DAGLB: variants seen among roughly 807,000 people sequenced by gnomAD.
DAGLB encodes the protein diacylglycerol lipase-beta.
In DAGLB, 66 loss-of-function variants were observed where a neutral mutation model predicts 72.1. That is an observed-to-expected ratio of 0.92 (90% confidence interval 0.75 to 1.12). The LOEUF (loss-of-function observed/expected upper bound fraction) is 1.12. DAGLB is among the 50% of genes most tolerant of loss of function. The probability of loss-of-function intolerance (pLI) is 0.00; values close to 1 mark genes in which losing one functional copy is unlikely to be tolerated. For missense variants in DAGLB, 1,065 were observed against 884.9 expected (o/e 1.20, Z -2.58); for synonymous variants, 414 against 359.5 (o/e 1.15, Z -1.71).
intron 4 of DAGLB, 90 bp downstream of exon 4, chr7:6,434,672 A>C: frequency 6.4e-7 from 1 of 1,571,114 alleles, no homozygotes; most frequent in South Asian, 1.2e-5. Flanking sequence ...AGGTTCTCAA[A>C]CGCGGTTTTA....
At chr7:6,415,535 C>CA (rs1223019732) in intron 11 of DAGLB, among the ~76,000 whole-genome samples, 12 of 144,600 alleles carry the variant, frequency 8.3e-5, no homozygotes, top group South Asian at 7.1e-4. Context: ...CTGGAATCAG[C>CA]AAAAAAAAAT....
chr7:6,438,051 T>C (rs1583299940), intron 2 of DAGLB, among the ~76,000 whole-genome samples: 1 of 152,162 alleles, frequency 6.6e-6, no homozygotes, highest in Non-Finnish European at 1.5e-5. Flanking sequence ...ATGTCCTTTG[T>C]AGGGACATGG....
intron 4 of DAGLB, 44 bp from the exon 5 acceptor site, chr7:6,433,003 AC>A (rs1178403697): frequency 1.8e-5 from 28 of 1,597,612 alleles, no homozygotes; most frequent in Non-Finnish European, 2.1e-5. Context: ...CCCAGCAGGC[AC>A]CACCCCCGGG....
chr7:6,411,850 A>G (rs866279), intron 13 of DAGLB, among the ~76,000 whole-genome samples: 32,386 of 152,118 alleles, frequency 0.21, 4,728 homozygotes, highest in African/African-American at 0.4. Flanking sequence ...GCCATGAGTC[A>G]TATCTCTTAA....
chr7:6,428,675 C>T (rs1038108842), intron 6 of DAGLB, among the ~76,000 whole-genome samples: 2 of 151,956 alleles, frequency 1.3e-5, no homozygotes, highest in Non-Finnish European at 2.9e-5. Context: ...TTAGTAGAGA[C>T]GGGGTGTCAC....
At chr7:6,411,353 G>A (rs1393723112) in intron 13 of DAGLB, among the ~76,000 whole-genome samples, 1 of 152,112 alleles carries the variant, frequency 6.6e-6, no homozygotes, top group Non-Finnish European at 1.5e-5. Context: ...GCACAGCAGT[G>A]GCTCACACCT....
intron 11 of DAGLB, 34 bp from the exon 12 acceptor site, chr7:6,413,068 T>C: frequency 6.2e-7 from 1 of 1,604,652 alleles, no homozygotes; most frequent in South Asian, 1.1e-5. Flanking sequence ...ATGTTAGCTT[T>C]ACGATGACAC....
chr7:6,414,654 A>T (rs1208719142), intron 11 of DAGLB, among the ~76,000 whole-genome samples: 1 of 152,128 alleles, frequency 6.6e-6, no homozygotes, highest in Admixed American at 6.6e-5. Context: ...CTTTGGTGTA[A>T]CAAAAGCCTT....
chr7:6,422,871 A>G (rs1339892798), intron 8 of DAGLB: 1 of 152,326 alleles, frequency 6.6e-6, no homozygotes, highest in Non-Finnish European at 1.5e-5. Context: ...CTCTGAATCT[A>G]AAATAAAAGT....
chr7:6,420,610 T>C (rs966767487), intron 9 of DAGLB, among the ~76,000 whole-genome samples: 1 of 152,006 alleles, frequency 6.6e-6, no homozygotes, highest in Non-Finnish European at 1.5e-5. Flanking sequence ...TCAGAGCTTG[T>C]GTTAGGGGTG....
chr7:6,436,381 T>G lies in DAGLB; in HGVS notation c.400A>C (p.Ile134Leu), dbSNP rs757911959. 2 of 1,610,586 alleles carry G rather than the reference T, an allele frequency of 1.2e-6. No homozygotes were observed. Among genetic ancestry groups the G allele is most frequent in the Non-Finnish European group, 1.7e-6 (2 of 1,178,998 alleles). Residue 134 changes from isoleucine to leucine, a missense_variant, in exon 3 of 15, where the codon ATC becomes CTC. Coordinates refer to ENST00000297056, the MANE Select transcript of DAGLB (RefSeq NM_139179.4). ...TGTCACCTGACCACGACGGTTGCGA[T>G]GATGCCGTTTACAACTGTCCTGTCG... ...QCDRTVVNGI[I>L]ATVVVSWIII...
At chr7:6,410,490 A>C in intron 13 of DAGLB, 110 bp from the exon 14 acceptor site, 6 of 1,457,980 alleles carry the variant, frequency 4.1e-6, no homozygotes, top group South Asian at 1.4e-5. Flanking sequence ...TGACCCAGAA[A>C]CCCCGCTTGG....
At chr7:6,445,149 A>G (rs1322006587) in intron 2 of DAGLB, among the ~76,000 whole-genome samples, 8 of 152,230 alleles carry the variant, frequency 5.3e-5, no homozygotes. Flanking sequence ...AGAGAAATGA[A>G]AACATGTCTG....
chr7:6,434,721 GA>G (rs1418419105), intron 4 of DAGLB, 40 bp downstream of exon 4: 14 of 1,607,808 alleles, frequency 8.7e-6, no homozygotes, highest in Non-Finnish European at 1.2e-5. Context: ...AGCATTTACT[GA>G]AACAGAAGAA....
chr7:6,446,477 CAAAAAAAAAAAAAAAAAA>C (rs748156438), intron 1 of DAGLB, among the ~76,000 whole-genome samples: 25 of 58,652 alleles, frequency 4.3e-4, no homozygotes, highest in African/African-American at 1.3e-3. Flanking sequence ...GACTCCGTCT[CAAAAAAAAAAAAAAAAAA>C]AAAAAAAAAA....
chr7:6,445,723 A>G (rs558321725), intron 2 of DAGLB: 7 of 365,088 alleles, frequency 1.9e-5, no homozygotes, highest in South Asian at 1.6e-4. Context: ...TCGGCTTCCC[A>G]AAGTGCTGGG....
chr7:6,414,056 G>A (rs892288865), intron 11 of DAGLB, among the ~76,000 whole-genome samples: 2 of 152,090 alleles, frequency 1.3e-5, no homozygotes, highest in South Asian at 2.1e-4. Context: ...TGTCTCCCAG[G>A]CTGGAGTGCA....
At chr7:6,441,070 C>T (rs1019945625) in intron 2 of DAGLB, among the ~76,000 whole-genome samples, 3 of 150,416 alleles carry the variant, frequency 2.0e-5, no homozygotes, top group Non-Finnish European at 4.4e-5. Flanking sequence ...AGGCATATGA[C>T]GTTATGTGTA....
intron 2 of DAGLB, among the ~76,000 whole-genome samples, chr7:6,445,277 G>A (rs1466173602): frequency 2.6e-5 from 4 of 152,154 alleles, no homozygotes; most frequent in African/African-American, 4.8e-5. Flanking sequence ...CCATTCATTC[G>A]ATGCTCTTAT....
Sources: gnomAD v4.1 joint callset for allele counts (sites outside exome capture counted in the v4.1 genomes callset) on GRCh38, gnomAD v4.1.1 for gene constraint, MANE v1.5 for transcripts, NCBI Gene and HGNC (gene_info 2026-07-23, HGNC 2026-07-21) for gene names.